Variants in SAMTOR observed in about 807,000 individuals in gnomAD.
The protein encoded by SAMTOR is UPF0532 protein C7orf60.
chr7:112,857,793 A>G, the SAMTOR span, among the ~76,000 whole-genome samples: 1 of 152,164 alleles, frequency 6.6e-6, no homozygotes, highest in Non-Finnish European at 1.5e-5. Context: ...AGAGCCCATG[A>G]AGAAGCAACC....
At chr7:112,865,022 G>A in the SAMTOR span, among the ~76,000 whole-genome samples, 1 of 152,086 alleles carries the variant, frequency 6.6e-6, no homozygotes, top group Non-Finnish European at 1.5e-5. Flanking sequence ...TAAAACTGCT[G>A]GGATTACAGG....
chr7:112,909,878 T>C, the SAMTOR span, among the ~76,000 whole-genome samples: 1 of 150,664 alleles, frequency 6.6e-6, no homozygotes, highest in Non-Finnish European at 1.5e-5. Context: ...TATATAATAT[T>C]ATATTATATA....
chr7:112,883,675 T>C, the SAMTOR span, among the ~76,000 whole-genome samples: 1 of 152,224 alleles, frequency 6.6e-6, no homozygotes, highest in Non-Finnish European at 1.5e-5. Flanking sequence ...GTAGGAATGA[T>C]CCTATGATAA....
chr7:112,846,418 G>A, the SAMTOR span, among the ~76,000 whole-genome samples: 39 of 152,182 alleles, frequency 2.6e-4, no homozygotes, highest in African/African-American at 9.4e-4. Context: ...TTGGATATTA[G>A]GCTTAGTACC....
At chr7:112,936,800 C>T in the SAMTOR span, among the ~76,000 whole-genome samples, 1 of 152,052 alleles carries the variant, frequency 6.6e-6, no homozygotes. Flanking sequence ...TGTATAGCCC[C>T]AACTCAGCTA....
At chr7:112,836,571 C>G in the SAMTOR span, among the ~76,000 whole-genome samples, 3 of 152,126 alleles carry the variant, frequency 2.0e-5, no homozygotes, top group Admixed American at 6.5e-5. Context: ...AATGGTATTT[C>G]CTAGGTTATC....
chr7:112,919,384 T>C, the SAMTOR span, among the ~76,000 whole-genome samples: 5 of 152,244 alleles, frequency 3.3e-5, no homozygotes, highest in African/African-American at 1.2e-4. Context: ...GAAATAAAGA[T>C]GTTCTTTGAA....
the SAMTOR span, among the ~76,000 whole-genome samples, chr7:112,919,975 A>AG: frequency 1.3e-5 from 2 of 152,164 alleles, no homozygotes; most frequent in African/African-American, 4.8e-5. Flanking sequence ...CCAACCAAAA[A>AG]GAGTCCAGGA....
At chr7:112,911,514 A>G in the SAMTOR span, among the ~76,000 whole-genome samples, 3 of 152,170 alleles carry the variant, frequency 2.0e-5, no homozygotes, top group Admixed American at 1.3e-4. Flanking sequence ...ACACAATGCC[A>G]GTATAAAAAC....
the SAMTOR span, among the ~76,000 whole-genome samples, chr7:112,931,424 T>C: frequency 6.6e-6 from 1 of 152,088 alleles, no homozygotes; most frequent in Non-Finnish European, 1.5e-5. Flanking sequence ...ATATCAACGA[T>C]AAAAATACTT....
At chr7:112,872,349 A>C in the SAMTOR span, among the ~76,000 whole-genome samples, 1 of 152,228 alleles carries the variant, frequency 6.6e-6, no homozygotes, top group Non-Finnish European at 1.5e-5. Flanking sequence ...GTCATTCACC[A>C]CATAAACAGA....
chr7:112,869,633 G>C, the SAMTOR span, among the ~76,000 whole-genome samples: 1 of 151,924 alleles, frequency 6.6e-6, no homozygotes, highest in African/African-American at 2.4e-5. Context: ...GGATGAGAAG[G>C]AACAAGCACA....
At chr7:112,915,480 C>T in the SAMTOR span, 1 of 1,521,656 alleles carries the variant, frequency 6.6e-7, no homozygotes, top group Non-Finnish European at 8.9e-7. Context: ...ATTAAGTTTA[C>T]ACTGAAACAT....
the SAMTOR span, among the ~76,000 whole-genome samples, chr7:112,833,555 C>G: frequency 6.6e-6 from 1 of 152,088 alleles, no homozygotes; most frequent in Non-Finnish European, 1.5e-5. Context: ...TAATGATCTT[C>G]CCTAGTAAAA....
chr7:112,911,299 G>T, the SAMTOR span, among the ~76,000 whole-genome samples: 1 of 152,138 alleles, frequency 6.6e-6, no homozygotes, highest in Non-Finnish European at 1.5e-5. Context: ...AGTTGCACCT[G>T]TAATACTCAC....
chr7:112,936,120 T>G, the SAMTOR span, among the ~76,000 whole-genome samples: 1 of 152,228 alleles, frequency 6.6e-6, no homozygotes, highest in Non-Finnish European at 1.5e-5. Context: ...AAAACACCTA[T>G]ATGTGCAAGC....
the SAMTOR span, among the ~76,000 whole-genome samples, chr7:112,903,104 A>G: frequency 5.9e-5 from 9 of 152,282 alleles, no homozygotes; most frequent in African/African-American, 2.2e-4. Flanking sequence ...ACCTGAGGTC[A>G]GGAGTTCAAG....
At chr7:112,863,901 A>G in the SAMTOR span, among the ~76,000 whole-genome samples, 2 of 152,238 alleles carry the variant, frequency 1.3e-5, no homozygotes, top group Admixed American at 6.5e-5. Flanking sequence ...ATTACTGGGC[A>G]TATACCCAAA....
chr7:112,902,451 A>AAAAAAAAAAAAAAAC, the SAMTOR span, among the ~76,000 whole-genome samples: 1 of 142,574 alleles, frequency 7.0e-6, no homozygotes, highest in Non-Finnish European at 1.5e-5. Flanking sequence ...AAAAAAAACA[A>AAAAAAAAAAAAAAAC]AAAAAAAAAC....
Sources: allele counts gnomAD v4.1 joint callset (sites outside exome capture counted in the v4.1 genomes callset), GRCh38; gene constraint gnomAD v4.1.1; transcripts MANE v1.5; gene names NCBI Gene and HGNC (gene_info 2026-07-23, HGNC 2026-07-21).